FTO: variants seen among roughly 807,000 people sequenced by gnomAD.
The protein encoded by FTO is alpha-ketoglutarate-dependent dioxygenase FTO.
Under a neutral mutation model 63.9 loss-of-function variants are expected in FTO, and 47 were observed. The observed-to-expected ratio is 0.74, with a 90% CI of 0.58 to 0.94. FTO has a LOEUF of 0.94. FTO is among the 40% of genes least tolerant of loss of function. The probability of loss-of-function intolerance (pLI) is 0.00; values close to 1 mark genes in which losing one functional copy is unlikely to be tolerated. For synonymous variants in FTO, 207 were observed against 224.4 expected, an observed-to-expected ratio of 0.92 and a Z score of 0.69; for missense variants, 562 against 618.1, an observed-to-expected ratio of 0.91 and a Z score of 0.96.
At chr16:53,967,788 G>A (rs184613721) in intron 8 of FTO, among the ~76,000 whole-genome samples, 46 of 152,294 alleles carry the variant, frequency 3.0e-4, no homozygotes, top group East Asian at 2.1e-3. Flanking sequence ...CCAAGGAGCC[G>A]GGCTGTGACA....
At chr16:53,774,203 T>G (rs1285337399) in intron 1 of FTO, among the ~76,000 whole-genome samples, 1 of 152,174 alleles carries the variant, frequency 6.6e-6, no homozygotes, top group African/African-American at 2.4e-5. Context: ...TTAGGCAAAC[T>G]GTTTGCCGTC....
At chr16:54,008,274 G>A (rs1181531612) in intron 8 of FTO, among the ~76,000 whole-genome samples, 1 of 152,124 alleles carries the variant, frequency 6.6e-6, no homozygotes. Flanking sequence ...CAACATCACA[G>A]AAATACTCCT....
intron 4 of FTO, among the ~76,000 whole-genome samples, chr16:53,856,467 T>G (rs2080000201): frequency 6.6e-6 from 1 of 151,986 alleles, no homozygotes; most frequent in South Asian, 2.1e-4. Context: ...CCCCTAAATA[T>G]AATTTTCTAT....
At chr16:53,947,231 G>A (rs565346727) in intron 8 of FTO, among the ~76,000 whole-genome samples, 1 of 152,282 alleles carries the variant, frequency 6.6e-6, no homozygotes, top group Admixed American at 6.5e-5. Flanking sequence ...TGTCAGACAA[G>A]TACCTTCTGC....
chr16:53,952,928 C>T (rs566469477), intron 8 of FTO, among the ~76,000 whole-genome samples: 16 of 152,216 alleles, frequency 1.1e-4, no homozygotes, highest in Middle Eastern at 3.4e-3. Flanking sequence ...TTTTTTTGAG[C>T]GGTATTTATG....
chr16:53,950,166 A>AAAAAAAACAAAAAAAAAAAAAAAAAAAAC (rs2082749962), intron 8 of FTO, among the ~76,000 whole-genome samples: 1 of 147,602 alleles, frequency 6.8e-6, no homozygotes, highest in South Asian at 2.2e-4. Context: ...AAAAAAAAAA[A>AAAAAAAACAAAAAAAAAAAAAAAAAAAAC]AAAAAAAAAA....
At chr16:53,716,178 T>C (rs1442580818) in intron 1 of FTO, among the ~76,000 whole-genome samples, 1 of 152,162 alleles carries the variant, frequency 6.6e-6, no homozygotes, top group Non-Finnish European at 1.5e-5. Flanking sequence ...CGTAGCTGTT[T>C]GAAAGAAATC....
chr16:53,916,489 A>G (rs16952643), intron 7 of FTO, among the ~76,000 whole-genome samples: 2,648 of 152,342 alleles, frequency 0.017, 63 homozygotes, highest in African/African-American at 0.059. Context: ...TAAACGTAAG[A>G]CACAAATTCT....
At chr16:54,078,080 T>TA (rs1245608065) in intron 8 of FTO, among the ~76,000 whole-genome samples, 4 of 152,114 alleles carry the variant, frequency 2.6e-5, no homozygotes, top group African/African-American at 9.7e-5. Context: ...TCAGTCTGCT[T>TA]TTTATTATCC....
chr16:53,852,082 TC>T (rs2151834782), intron 4 of FTO, among the ~76,000 whole-genome samples: 1 of 121,424 alleles, frequency 8.2e-6, no homozygotes, highest in Admixed American at 9.3e-5. Context: ...ATGGCAAAAC[TC>T]TGTCTCTACA....
chr16:53,744,873 A>T (rs944310155), intron 1 of FTO, among the ~76,000 whole-genome samples: 1 of 149,512 alleles, frequency 6.7e-6, no homozygotes, highest in African/African-American at 2.5e-5. Flanking sequence ...ACCGTCTTTG[A>T]CCATACAACA....
intron 1 of FTO, among the ~76,000 whole-genome samples, chr16:53,780,920 C>CA (rs1325656315): frequency 6.6e-6 from 1 of 152,026 alleles, no homozygotes; most frequent in Non-Finnish European, 1.5e-5. Context: ...TGTACATAAT[C>CA]AAAAAATGTT....
In FTO at chr16:53,976,457, G is replaced by T. The variant is rs4145007; in HGVS notation, c.1364+42348G>T. 2.7e-5 allele frequency among the ~76,000 whole-genome samples: 4 copies of T among 150,628 alleles called. No individual in the cohort carries two copies. The East Asian group carries it at 7.8e-4, about 29-fold the overall frequency. Reference sequence around the variant, plus strand: ...AAATTTGCAGAAATTTATGTGTCAGGTTTTTTTTTGCCTAATTACCAAAAC... The same window carrying T: ...AAATTTGCAGAAATTTATGTGTCAGTTTTTTTTTTGCCTAATTACCAAAAC... On this transcript the variant is annotated intron_variant, in intron 8 of 8. Transcript: ENST00000471389.
intron 8 of FTO, among the ~76,000 whole-genome samples, chr16:54,078,446 A>T (rs1285719985): frequency 6.6e-6 from 1 of 150,818 alleles, no homozygotes; most frequent in Non-Finnish European, 1.5e-5. Context: ...ACACACTTCA[A>T]ATTAGCACAT....
intron 1 of FTO, among the ~76,000 whole-genome samples, chr16:53,734,115 G>A (rs2076334366): frequency 6.6e-6 from 1 of 152,176 alleles, no homozygotes; most frequent in Non-Finnish European, 1.5e-5. Context: ...GTATTACCCA[G>A]GTCAAATCCA....
chr16:54,086,000 G>A lies in FTO; in HGVS notation c.1365-25762G>A, dbSNP rs79798712. 1.6e-4 allele frequency among the ~76,000 whole-genome samples: 24 copies of A among 152,228 alleles called. 1 individual carries two copies. In the East Asian group the frequency reaches 2.9e-3, roughly 18 times the overall value. ...AGTTATATTCCCCAGTACCAAGAACGCAGGAGGACTACTTTAATCCCCTTT... is the reference window on the plus strand; with the variant it reads ...AGTTATATTCCCCAGTACCAAGAACACAGGAGGACTACTTTAATCCCCTTT... On this transcript the variant is annotated intron_variant, in intron 8 of 8. Transcript: ENST00000471389.
chr16:53,969,794 C>T lies in FTO; in HGVS notation c.1364+35685C>T, dbSNP rs139907254. Among the ~76,000 whole-genome samples the T allele has an allele frequency of 1.0e-3, 155 of 152,316 alleles. 3 individuals are homozygous for T. In the South Asian group the frequency reaches 0.021, roughly 21 times the overall value. On this transcript the variant is annotated intron_variant, in intron 8 of 8. Transcript: ENST00000471389. ...ATATGTATAGGGAGAAAGAAAGCCT[C>T]GCCCGTAACCTGCTCTATCTCTGTC...
intron 8 of FTO, among the ~76,000 whole-genome samples, chr16:54,014,015 G>A (rs192456625): frequency 6.6e-6 from 1 of 152,214 alleles, no homozygotes; most frequent in Non-Finnish European, 1.5e-5. Flanking sequence ...TTTACTTTTA[G>A]CAGTGTGTAC....
In FTO at chr16:54,118,616, G is replaced by T. The variant is rs1442566185; in HGVS notation, c.*6701G>T. ...GATCTGCCTGCATCGGCCTCCCAAAGCGCTGAGATTACAAGCGTGAGCCAC... is the reference window on the plus strand; with the variant it reads ...GATCTGCCTGCATCGGCCTCCCAAATCGCTGAGATTACAAGCGTGAGCCAC... On this transcript the variant is annotated 3_prime_UTR_variant, in exon 9 of 9. Transcript: ENST00000471389. 1 of 152,150 alleles carries T rather than the reference G, an allele frequency of 6.6e-6. No individual in the cohort carries two copies. The highest frequency in any genetic ancestry group is 1.5e-5 in the Non-Finnish European group (1 of 68,098). 9.4% of individuals were successfully genotyped at this position (152,150 alleles called of 1,614,324 possible). A position where few individuals can be genotyped will look rare whatever the true frequency, so the allele number is the denominator to read the frequency against.
Sources: gnomAD v4.1 joint callset for allele counts (sites outside exome capture counted in the v4.1 genomes callset) on GRCh38, gnomAD v4.1.1 for gene constraint, MANE v1.5 for transcripts, NCBI Gene and HGNC (gene_info 2026-07-23, HGNC 2026-07-21) for gene names.